Variants in HERC2 observed in about 807,000 individuals in gnomAD.
HERC2 encodes the protein HECT and RLD domain containing E3 ubiquitin protein ligase 2, also known as E3 ubiquitin-protein ligase HERC2.
HERC2 carries 102 observed loss-of-function variants against 537.7 expected under a neutral mutation model. That is an observed-to-expected ratio of 0.19 (90% CI 0.16 to 0.22). The LOEUF is 0.22. HERC2 is among the 10% of genes least tolerant of loss of function. The probability of loss-of-function intolerance (pLI) is 1.00; values close to 1 mark genes in which losing one functional copy is unlikely to be tolerated. For missense variants in HERC2, 4,236 were observed against 6,198.2 expected, an observed-to-expected ratio of 0.68 and a Z score of 10.63; for synonymous variants, 2,224 against 2,466.2, an observed-to-expected ratio of 0.90 and a Z score of 2.91.
chr15:28,279,125 G>A (rs2075956429), intron 5 of HERC2, among the ~76,000 whole-genome samples: 1 of 152,158 alleles, frequency 6.6e-6, no homozygotes, highest in Non-Finnish European at 1.5e-5. Flanking sequence ...CCAAGTAGCT[G>A]GGATTACAGG....
chr15:28,289,543 A>C (rs2076254356), intron 4 of HERC2, among the ~76,000 whole-genome samples: 1 of 152,140 alleles, frequency 6.6e-6, no homozygotes, highest in South Asian at 2.1e-4. Context: ...AGCACGATGG[A>C]GATACTCCTG....
intron 31 of HERC2, 128 bp from the exon 32 acceptor site, chr15:28,229,975 G>T (rs1265743337): frequency 8.1e-6 from 6 of 738,218 alleles, no homozygotes; most frequent in Non-Finnish European, 1.2e-5. Context: ...GTAATACATG[G>T]TTTTAAAACT....
chr15:28,301,605 T>C (rs1441615843), intron 2 of HERC2, among the ~76,000 whole-genome samples: 1 of 145,776 alleles, frequency 6.9e-6, no homozygotes. Context: ...TTCTGAAAAC[T>C]GCGTATGCGA....
chr15:28,122,065 C>T lies in HERC2; in HGVS notation c.13189-636G>A, dbSNP rs575325634. On this transcript the variant is annotated intron_variant, in intron 85 of 92. Transcript: ENST00000261609. The surrounding 1 kb of genome is among the most constrained non-coding windows in gnomAD (Gnocchi z 4.1). ...CAGCAGCCACGGGGCCAGGGAGCAC[C>T]GTGCAGCCAGCCAGACCTTGGATCG... Among the ~76,000 whole-genome samples the T allele has an allele frequency of 5.1e-4, 78 of 152,190 alleles. 6 individuals carry two copies. Among genetic ancestry groups the T allele is most frequent in the South Asian group, 3.7e-3 (18 of 4,808 alleles).
At chr15:28,241,123 C>A (rs911654235) in intron 23 of HERC2, among the ~76,000 whole-genome samples, 32 of 152,188 alleles carry the variant, frequency 2.1e-4, no homozygotes, top group African/African-American at 7.7e-4. Flanking sequence ...CGAAAGAATG[C>A]AAAACAGATT....
intron 23 of HERC2, among the ~76,000 whole-genome samples, chr15:28,241,020 A>G (rs191317474): frequency 2.6e-4 from 39 of 152,360 alleles, no homozygotes; most frequent in Admixed American, 8.5e-4. Context: ...AAAGCAGTGC[A>G]GGCAACAAAA....
chr15:28,235,699 C>T (rs533679475), intron 26 of HERC2, among the ~76,000 whole-genome samples: 1 of 152,324 alleles, frequency 6.6e-6, no homozygotes, highest in East Asian at 1.9e-4. Context: ...GTATGAACGT[C>T]TCCATTTCAC....
At chr15:28,140,695 T>C (rs1891130504) in intron 78 of HERC2, among the ~76,000 whole-genome samples, 2 of 151,756 alleles carry the variant, frequency 1.3e-5, no homozygotes, top group South Asian at 4.2e-4. Flanking sequence ...CTTATTTTTG[T>C]ATTTTTCGTA....
At chr15:28,139,786 C>G (rs562010117) in intron 78 of HERC2, among the ~76,000 whole-genome samples, 1 of 151,998 alleles carries the variant, frequency 6.6e-6, no homozygotes, top group Non-Finnish European at 1.5e-5. Flanking sequence ...ATTGGCCGGG[C>G]ACGGTAGCTC....
intron 20 of HERC2, among the ~76,000 whole-genome samples, chr15:28,253,148 C>T (rs1035033430): frequency 2.0e-5 from 3 of 150,992 alleles, no homozygotes; most frequent in African/African-American, 4.9e-5. Context: ...CTTGCTTTTT[C>T]GCTCTTCTTG....
chr15:28,174,631 G>A lies in HERC2; in HGVS notation c.9832-11C>T. On this transcript the variant is annotated splice_polypyrimidine_tract_variant and intron_variant, in intron 64 of 92. Transcript: ENST00000261609. Reference sequence around the variant, plus strand: ...ACCCCAAGCATACACCTGTTTACGAGGAGAAAAAAGCTTATAATTTTTCAA... The same window carrying A: ...ACCCCAAGCATACACCTGTTTACGAAGAGAAAAAAGCTTATAATTTTTCAA... 1 of 1,520,398 alleles carries A rather than the reference G, an allele frequency of 6.6e-7. No homozygotes were observed. Among genetic ancestry groups the A allele is most frequent in the Non-Finnish European group, 9.1e-7 (1 of 1,104,808 alleles). 94.2% of individuals were successfully genotyped at this position (1,520,398 alleles called of 1,614,324 possible). A position where few individuals can be genotyped will look rare whatever the true frequency, so the allele number is the denominator to read the frequency against.
At chr15:28,115,275 T>TC in intron 89 of HERC2, 154 bp downstream of exon 89, 2 of 513,042 alleles carry the variant, frequency 3.9e-6, no homozygotes, top group Non-Finnish European at 6.9e-6. Flanking sequence ...TTTTTTTTTT[T>TC]TTTTTGCTAC....
rs2075395815 is a variant in HERC2, at chr15:28,260,786, C to A, written c.2307G>T (p.Gly769=). The A allele has an allele frequency of 6.2e-7, 1 of 1,613,844 alleles. No individual in the cohort carries two copies. The highest frequency in any genetic ancestry group is 1.3e-5 in the African/African-American group (1 of 74,942). ...DTKHIVGIAC[G]PAQSFAWSSC... is the part of the protein sequence containing the mutation. ...GCTCTATATTCAGTACCTGGGCAGG[C>A]CCACAGGCAATTCCCACTATGTGTT... The change falls in exon 16 of 93, where the codon GGG becomes GGT. Residue 769 remains glycine (G), a synonymous_variant. Transcript: ENST00000261609.
At position 28,270,829 on chromosome 15, in the gene HERC2, T is replaced by C. The variant is rs568161836; in HGVS notation, c.1123A>G (p.Arg375Gly). Residue 375 changes from arginine to glycine, a missense_variant, in exon 10 of 93, where the codon AGG (arginine) becomes GGG (glycine). Coordinates refer to ENST00000261609, the MANE Select transcript of HERC2 (RefSeq NM_004667.6). ...TTGTCTTGTGGAAGGGTGAGGTACC[T>C]CAGGAAACTCTCATTGGGGCTCAGA... ...GPLSPNESFL[R>G]YLTLPQDNEL... The C allele has an allele frequency of 3.3e-5, 53 of 1,613,808 alleles. No homozygotes were observed. In the South Asian group the frequency reaches 5.8e-4, roughly 18 times the overall value.
intron 68 of HERC2, among the ~76,000 whole-genome samples, chr15:28,165,723 C>G (rs1894067287): frequency 6.6e-6 from 1 of 152,082 alleles, no homozygotes; most frequent in Non-Finnish European, 1.5e-5. Flanking sequence ...TGGCTTGAGA[C>G]CAGGAGGTTG....
At chr15:28,124,279 C>T in intron 84 of HERC2, 45 bp from the exon 85 acceptor site, 2 of 1,299,858 alleles carry the variant, frequency 1.5e-6, no homozygotes, top group South Asian at 3.6e-5. Context: ...ACCAAAGGCA[C>T]ACGGGGGCCA....
At chr15:28,307,479 C>G (rs1365521244) in intron 2 of HERC2, among the ~76,000 whole-genome samples, 1 of 152,096 alleles carries the variant, frequency 6.6e-6, no homozygotes, top group Non-Finnish European at 1.5e-5. Context: ...TGAAGTTTTT[C>G]TACTTTTTTG....
chr15:28,148,087 C>T (rs567188269), intron 70 of HERC2, among the ~76,000 whole-genome samples: 2 of 150,522 alleles, frequency 1.3e-5, no homozygotes, highest in South Asian at 4.2e-4. Flanking sequence ...AACATCCCCA[C>T]AGGCAATAAA....
chr15:28,192,245 G>C, intron 52 of HERC2, 94 bp from the exon 53 acceptor site: 1 of 1,096,350 alleles, frequency 9.1e-7, no homozygotes, highest in African/African-American at 1.6e-5. Context: ...GCTTCTTAAA[G>C]AAAAATAGAA....
Sources: gnomAD v4.1 joint callset for allele counts (sites outside exome capture counted in the v4.1 genomes callset) on GRCh38, gnomAD v4.1.1 for gene constraint, Gnocchi (gnomAD v3.1) non-coding constraint, MANE v1.5 for transcripts, NCBI Gene and HGNC (gene_info 2026-07-23, HGNC 2026-07-21) for gene names.